NRIP1: variants seen among roughly 807,000 people sequenced by gnomAD.
The protein encoded by NRIP1 is nuclear receptor-interacting protein 1.
In NRIP1, 28 loss-of-function variants were observed where a neutral mutation model predicts 75.0. That is an observed-to-expected ratio of 0.37 (90% confidence interval 0.28 to 0.51). The LOEUF is 0.51. Ranked by LOEUF, NRIP1 falls within the 20% of genes least tolerant of loss-of-function variation. The probability of loss-of-function intolerance (pLI) is 0.92; values close to 1 mark genes in which losing one functional copy is unlikely to be tolerated. For missense variants in NRIP1, 1,435 were observed against 1,343.7 expected, an observed-to-expected ratio of 1.07 and a Z score of -1.06; for synonymous variants, 526 against 487.6, an observed-to-expected ratio of 1.08 and a Z score of -1.04.
intron 1 of NRIP1, among the ~76,000 whole-genome samples, chr21:15,062,513 A>T (rs745618491): frequency 6.6e-6 from 1 of 152,260 alleles, no homozygotes; most frequent in Admixed American, 6.5e-5. Context: ...ACTCCGTTTT[A>T]AAATCTTCTG....
At chr21:15,031,840 T>G (rs1344335504) in intron 2 of NRIP1, among the ~76,000 whole-genome samples, 1 of 106,784 alleles carries the variant, frequency 9.4e-6, no homozygotes, top group African/African-American at 3.5e-5. Flanking sequence ...CTGGAAGGCG[T>G]TCAGAGGTTC....
At chr21:15,007,817 TAA>T (rs2088008245) in intron 3 of NRIP1, among the ~76,000 whole-genome samples, 1 of 152,142 alleles carries the variant, frequency 6.6e-6, no homozygotes, top group Admixed American at 6.5e-5. Flanking sequence ...GACACAGAAT[TAA>T]AAAATAAAAA....
At position 15,014,345 on chromosome 21, in the gene NRIP1, G is replaced by GTT; in HGVS notation, c.-337_-336insAA. The GTT allele has an allele frequency of 2.5e-6, 1 of 397,658 alleles. No homozygotes were observed. The allele number at this position is 397,658 out of a possible 1,614,324, so 24.6% of individuals were successfully genotyped here. A position where few individuals can be genotyped will look rare whatever the true frequency, so the allele number is the denominator to read the frequency against. ...AACTCAGGAAAAAAATATTCTCACCGTCTGTCTCCAAGCTCTGAGCCTCTG... is the reference window on the plus strand; with the variant it reads ...AACTCAGGAAAAAAATATTCTCACCGTTTCTGTCTCCAAGCTCTGAGCCTCTG... On this transcript the variant is annotated splice_region_variant and 5_prime_UTR_variant, in exon 3 of 4. An upstream open reading frame in the 5' UTR loses its in-frame stop. Coordinates refer to ENST00000318948, the MANE Select transcript of NRIP1 (RefSeq NM_003489.4).
rs1426228961 is a variant in NRIP1, at chr21:14,966,289, G to A, written c.1904C>T (p.Ala635Val). The A allele has an allele frequency of 1.2e-6, 2 of 1,614,088 alleles. No homozygotes were observed. Among genetic ancestry groups the A allele is most frequent in the Middle Eastern group, 1.6e-4 (1 of 6,062 alleles). Residue 635 changes from alanine (A) to valine (V), a missense_variant, in exon 4 of 4, where the codon GCA (alanine) becomes GTA (valine). Transcript: ENST00000318948. The stretch of plus-strand genomic sequence containing the variant: ...CATGGATGACTGCATTCCACATTGT[G>A]CTAAATTTTGTAACAGCTTACTGGC... ...FSASKLLQNL[A>V]QCGMQSSMSV...
intron 1 of NRIP1, among the ~76,000 whole-genome samples, chr21:15,047,006 T>C (rs1314016543): frequency 1.3e-5 from 2 of 152,214 alleles, no homozygotes; most frequent in Non-Finnish European, 2.9e-5. Flanking sequence ...GGCAGACTAC[T>C]AAAATATTCT....
chr21:15,049,585 T>C (rs1433478360), intron 1 of NRIP1, among the ~76,000 whole-genome samples: 1 of 152,120 alleles, frequency 6.6e-6, no homozygotes, highest in Admixed American at 6.5e-5. Context: ...TAAATGTTTA[T>C]AATATTAGTA....
rs1266161288 is a variant in NRIP1, at chr21:14,962,651, CATGGA to C, written c.*2060_*2064del. ...GACAATAAGATTGTCATAGTATGGA[CATGGA>C]ATAGAATATATTCAACTGGCCAGTG... is the stretch of plus-strand genomic sequence containing the variant. On this transcript the variant is annotated 3_prime_UTR_variant, in exon 4 of 4. Transcript: ENST00000318948. 6.6e-6 allele frequency: 1 copy of C among 152,386 alleles called. No homozygotes were observed. The highest frequency in any genetic ancestry group is 1.5e-5 in the Non-Finnish European group (1 of 67,912). The allele number at this position is 152,386 out of a possible 1,614,324, so 9.4% of individuals were successfully genotyped here.
At chr21:14,980,024 A>C (rs2087187849) in intron 3 of NRIP1, among the ~76,000 whole-genome samples, 1 of 152,194 alleles carries the variant, frequency 6.6e-6, no homozygotes, top group Non-Finnish European at 1.5e-5. Flanking sequence ...GCCTTGGGTC[A>C]CTTGTTCCCA....
intron 2 of NRIP1, among the ~76,000 whole-genome samples, chr21:15,029,503 C>T (rs1374999783): frequency 1.3e-5 from 2 of 152,192 alleles, no homozygotes; most frequent in African/African-American, 4.8e-5. Context: ...TTTTATTTAG[C>T]ACTTAATAAG....
At chr21:15,054,939 A>T (rs1373042431) in intron 1 of NRIP1, among the ~76,000 whole-genome samples, 1 of 152,058 alleles carries the variant, frequency 6.6e-6, no homozygotes, top group Non-Finnish European at 1.5e-5. Flanking sequence ...AAGCCTACAA[A>T]CTCCCTTGCC....
chr21:15,023,504 T>A (rs1443311831), intron 2 of NRIP1, among the ~76,000 whole-genome samples: 1 of 152,180 alleles, frequency 6.6e-6, no homozygotes, highest in Non-Finnish European at 1.5e-5. Flanking sequence ...AAGTAACTTG[T>A]AAATACTGCA....
chr21:15,008,743 G>A (rs2147148478), intron 3 of NRIP1, among the ~76,000 whole-genome samples: 1 of 152,308 alleles, frequency 6.6e-6, no homozygotes, highest in South Asian at 2.1e-4. Flanking sequence ...CCATAATACA[G>A]CAGTCCTCAA....
intron 1 of NRIP1, among the ~76,000 whole-genome samples, chr21:15,053,244 G>A (rs2089239736): frequency 6.6e-6 from 1 of 152,202 alleles, no homozygotes; most frequent in Admixed American, 6.5e-5. Flanking sequence ...AAAATTCACA[G>A]TGAATGTGTT....
intron 3 of NRIP1, among the ~76,000 whole-genome samples, chr21:14,972,255 G>A (rs1182477748): frequency 6.6e-6 from 1 of 152,068 alleles, no homozygotes; most frequent in Non-Finnish European, 1.5e-5. Flanking sequence ...AACTAGAGAG[G>A]GAGAAATCAC....
rs2087967120 is a variant in NRIP1 at position 15,006,170 on chromosome 21, A to C, written c.-335+8174T>G. On this transcript the variant is annotated intron_variant, in intron 3 of 3. Transcript: ENST00000318948. Reference sequence around the variant, plus strand: ...TCCCAACATGATGAATACATTCTTAAGACGGAAAAAAAAAATCATTAGAAT... The same window carrying C: ...TCCCAACATGATGAATACATTCTTACGACGGAAAAAAAAAATCATTAGAAT... Among the ~76,000 whole-genome samples, 3 of 152,032 alleles carry C rather than the reference A, an allele frequency of 2.0e-5. No individual in the cohort carries two copies. In the South Asian group the frequency reaches 6.2e-4, roughly 31 times the overall value.
intron 3 of NRIP1, among the ~76,000 whole-genome samples, chr21:15,011,997 C>A (rs1393288678): frequency 1.3e-5 from 2 of 152,148 alleles, no homozygotes; most frequent in Non-Finnish European, 2.9e-5. Flanking sequence ...TAATTACATC[C>A]TTTTTCCTCC....
In NRIP1 at chr21:14,965,199, C is replaced by G; in HGVS notation, c.2994G>C (p.Arg998Ser). 1 of 1,613,818 alleles carries G rather than the reference C, an allele frequency of 6.2e-7. No individual in the cohort carries two copies. Among genetic ancestry groups the G allele is most frequent in the Non-Finnish European group, 8.5e-7 (1 of 1,179,940 alleles). Reference protein sequence around the residue: ...STQPSSCMDNRTFSYPGVVKT... With the variant: ...STQPSSCMDNSTFSYPGVVKT... The stretch of plus-strand genomic sequence containing the variant: ...TTACTACACCTGGGTATGAAAATGT[C>G]CTGTTATCCATGCAACTGCTGGGCT... Residue 998 changes from arginine to serine, a missense_variant, in exon 4 of 4, where the codon AGG becomes AGC. Physicochemically the swap from Arg to Ser is moderately radical, Grantham distance 110. Transcript: ENST00000318948.
At chr21:15,000,182 T>A (rs74510450) in intron 3 of NRIP1, among the ~76,000 whole-genome samples, 3 of 152,120 alleles carry the variant, frequency 2.0e-5, no homozygotes, top group Non-Finnish European at 4.4e-5. Context: ...TTCAGAGAGA[T>A]TCCTGTTTCT....
chr21:15,025,396 G>A lies in NRIP1; in HGVS notation c.-457-10930C>T, dbSNP rs190901389. Among the ~76,000 whole-genome samples the A allele has an allele frequency of 3.9e-5, 6 of 152,158 alleles. No homozygotes were observed. The South Asian group carries it at 1.0e-3, about 26-fold the overall frequency. ...ACATGTCAAAAAGATACTGAAGGGG[G>A]TACTGCTGGCAAAATCAGGGACAAG... On this transcript the variant is annotated intron_variant, in intron 2 of 3. Coordinates refer to ENST00000318948, the MANE Select transcript of NRIP1 (RefSeq NM_003489.4).
Sources: gnomAD v4.1 joint callset for allele counts (sites outside exome capture counted in the v4.1 genomes callset) on GRCh38, gnomAD v4.1.1 for gene constraint, MANE v1.5 for transcripts, NCBI Gene and HGNC (gene_info 2026-07-23, HGNC 2026-07-21) for gene names.